The following ERLIN2 variants were observed in gnomAD, a reference collection of about 807,000 sequenced individuals.
The protein encoded by ERLIN2 is ER lipid raft associated 2.
ERLIN2 carries 22 observed loss-of-function variants against 41.5 expected under a neutral mutation model. That is an observed-to-expected ratio of 0.53 (90% CI 0.38 to 0.76). ERLIN2 has a LOEUF of 0.76. Ranked by LOEUF, ERLIN2 falls within the 30% of genes least tolerant of loss-of-function variation. The pLI is 0.00. For missense variants in ERLIN2, 247 were observed against 414.3 expected, an observed-to-expected ratio of 0.60 and a Z score of 3.51; for synonymous variants, 149 against 150.9, an observed-to-expected ratio of 0.99 and a Z score of 0.09.
rs1803336909 is a variant in ERLIN2 at position 37,755,568 on chromosome 8, C to CA, written c.*1454dup. 3.8e-5 allele frequency: 1 copy of CA among 26,044 alleles called. No individual in the cohort carries two copies. Among genetic ancestry groups the CA allele is most frequent in the South Asian group, 1.8e-3 (1 of 542 alleles). The allele number at this position is 26,044 out of a possible 1,614,324, so 1.6% of individuals were successfully genotyped here. A position where few individuals can be genotyped will look rare whatever the true frequency, so the allele number is the denominator to read the frequency against. On this transcript the variant is annotated 3_prime_UTR_variant, in exon 12 of 12. Coordinates refer to ENST00000519638, the MANE Select transcript of ERLIN2 (RefSeq NM_007175.8). ...GAGCTGACCCCCACCCCCCACCCCC[C>CA]ACCCCCCCCCCCCGCCAACTCCTAT...
intron 6 of ERLIN2, chr8:37,747,993 T>C (rs1302153045): frequency 1.2e-6 from 2 of 1,614,104 alleles, no homozygotes; most frequent in Admixed American, 3.3e-5. Flanking sequence ...ACCGAGACAC[T>C]ACTTTCGGCA....
chr8:37,748,680 A>AGAGAT (rs762058315), intron 6 of ERLIN2, among the ~76,000 whole-genome samples: 4 of 152,232 alleles, frequency 2.6e-5, no homozygotes, highest in Non-Finnish European at 5.9e-5. Flanking sequence ...ACAGCAAAGG[A>AGAGAT]GAGATGCAGT....
At chr8:37,737,686 G>A (rs752909788) in intron 1 of ERLIN2, 1 of 540,810 alleles carries the variant, frequency 1.8e-6, no homozygotes, top group Non-Finnish European at 3.3e-6. Flanking sequence ...CGGAGCCAGT[G>A]CTTCCTCAGT....
chr8:37,737,867 G>C, intron 1 of ERLIN2, 41 bp from the exon 2 acceptor site: 1 of 1,612,408 alleles, frequency 6.2e-7, no homozygotes, highest in South Asian at 1.1e-5. Context: ...CTTTTCTCCT[G>C]CACGTTGGAC....
Position 37,754,717 on chromosome 8 carries a change from A to G in ERLIN2, c.*602A>G, listed in dbSNP as rs1245673333. ...GGTGCTAGGTTTTGCAAGATTTTGT[A>G]TACACTTTGCTCCTTGCCCTAGGGC... On this transcript the variant is annotated 3_prime_UTR_variant, in exon 12 of 12. Coordinates refer to ENST00000519638, the MANE Select transcript of ERLIN2 (RefSeq NM_007175.8). 1 of 163,158 alleles carries G rather than the reference A, an allele frequency of 6.1e-6. No individual in the cohort carries two copies. The highest frequency in any genetic ancestry group is 2.4e-5 in the African/African-American group (1 of 41,532). 10.1% of individuals were successfully genotyped at this position (163,158 alleles called of 1,614,324 possible).
At chr8:37,738,607 C>T (rs1017096314) in intron 2 of ERLIN2, among the ~76,000 whole-genome samples, 7 of 152,080 alleles carry the variant, frequency 4.6e-5, no homozygotes, top group African/African-American at 1.7e-4. Flanking sequence ...TTTAATTGGC[C>T]GGCTGTGGTG....
chr8:37,751,590 A>G, intron 9 of ERLIN2, 36 bp from the exon 10 acceptor site: 1 of 1,559,548 alleles, frequency 6.4e-7, no homozygotes, highest in Non-Finnish European at 8.8e-7. Flanking sequence ...AAACTCTGAA[A>G]TGCCAGAACC....
intron 9 of ERLIN2, 48 bp from the exon 10 acceptor site, chr8:37,751,578 T>G (rs750172380): frequency 6.6e-7 from 1 of 1,524,188 alleles, no homozygotes; most frequent in Non-Finnish European, 9.1e-7. Flanking sequence ...GTGAAATTAG[T>G]CAAACTCTGA....
Position 37,757,214 on chromosome 8 carries a change from C to G in ERLIN2, c.*3099C>G, listed in dbSNP as rs1803379963. On this transcript the variant is annotated 3_prime_UTR_variant, in exon 12 of 12. Transcript: ENST00000519638. ...AAAGTAAGATGGTCATACTTACTGA[C>G]TTTATCTATTTAAGTTTGATGGAGA... The G allele has an allele frequency of 6.6e-6, 1 of 152,160 alleles. No individual in the cohort carries two copies. The highest frequency in any genetic ancestry group is 1.5e-5 in the Non-Finnish European group (1 of 68,034). The allele number at this position is 152,160 out of a possible 1,614,324, so 9.4% of individuals were successfully genotyped here.
chr8:37,750,070 G>T (rs1803183694), intron 8 of ERLIN2: 3 of 644,216 alleles, frequency 4.7e-6, no homozygotes, highest in Admixed American at 4.7e-5. Context: ...CTGTAGAGCA[G>T]CGATGTTTTG....
chr8:37,744,606 G>T lies in ERLIN2; in HGVS notation c.334G>T (p.Asp112Tyr). 6.2e-7 allele frequency: 1 copy of T among 1,614,074 alleles called. No homozygotes were observed. Among genetic ancestry groups the T allele is most frequent in the Non-Finnish European group, 8.5e-7 (1 of 1,179,994 alleles). The change falls in exon 6 of 12, where the codon GAC becomes TAC. Residue 112 changes from aspartate to tyrosine, a missense_variant. This residue lies in a region of ERLIN2 where 93 missense variants were observed against 139.0 expected (regional missense o/e 0.67). Coordinates refer to ENST00000519638, the MANE Select transcript of ERLIN2 (RefSeq NM_007175.8). ...DIVKNYTADY[D>Y]KALIFNKIHH... ...AGTGAAGAACTATACTGCTGACTAT[G>T]ACAAGGCCCTCATCTTCAACAAGAT...
intron 9 of ERLIN2, among the ~76,000 whole-genome samples, chr8:37,750,880 C>G (rs762679571): frequency 1.1e-4 from 16 of 152,212 alleles, no homozygotes; most frequent in Admixed American, 5.2e-4. Flanking sequence ...GCCGGCACGC[C>G]TGGCTAATTT....
chr8:37,751,778 G>A (rs1803223964), intron 10 of ERLIN2, 63 bp downstream of exon 10: 2 of 1,280,030 alleles, frequency 1.6e-6, no homozygotes, highest in African/African-American at 2.9e-5. Context: ...CCAGTGGGTT[G>A]GGGAGCCATT....
chr8:37,739,301 ACT>A (rs1802769800), intron 2 of ERLIN2, among the ~76,000 whole-genome samples: 1 of 152,130 alleles, frequency 6.6e-6, no homozygotes, highest in Admixed American at 6.5e-5. Context: ...TAGAAAGGTA[ACT>A]CTATTGCCAA....
Position 37,754,058 on chromosome 8 carries a change from C to G in ERLIN2, c.963C>G (p.Asp321Glu). Residue 321 changes from aspartate (D) to glutamate (E), a missense_variant, in exon 12 of 12, where the codon GAC becomes GAG. Asp to Glu is a conservative substitution (Grantham distance 45). Coordinates refer to ENST00000519638, the MANE Select transcript of ERLIN2 (RefSeq NM_007175.8). ...GCAAGCAGTTTGAGGGGCTAGCTGA[C>G]AAGCTAAGCTTTGGCTTAGAAGATG... ...SVSKQFEGLA[D>E]KLSFGLEDEP... 1 of 1,614,130 alleles carries G rather than the reference C, an allele frequency of 6.2e-7. No individual in the cohort carries two copies. Among genetic ancestry groups the G allele is most frequent in the Non-Finnish European group, 8.5e-7 (1 of 1,180,004 alleles).
rs141083192 is a variant in ERLIN2 at position 37,745,319 on chromosome 8, G to A, written c.424+623G>A. ...ATTATTATTTTTTTACTCTGTACCTGTAGCAACGAATAGAAAAACACTTTA... is the reference window on the plus strand; with the variant it reads ...ATTATTATTTTTTTACTCTGTACCTATAGCAACGAATAGAAAAACACTTTA... On this transcript the variant is annotated intron_variant, in intron 6 of 11. Transcript: ENST00000519638. The A allele has an allele frequency of 8.2e-5, 46 of 561,596 alleles. No individual in the cohort carries two copies. The East Asian group carries it at 8.2e-4, about 10-fold the overall frequency. 34.8% of individuals were successfully genotyped at this position (561,596 alleles called of 1,614,324 possible).
intron 6 of ERLIN2, chr8:37,746,057 A>C: frequency 1.0e-6 from 1 of 1,001,098 alleles, no homozygotes; most frequent in Non-Finnish European, 1.2e-6. Context: ...AGTGAAGTAC[A>C]GCTGCTTGTA....
chr8:37,753,804 C>A, intron 11 of ERLIN2, 111 bp from the exon 12 acceptor site: 1 of 937,070 alleles, frequency 1.1e-6, no homozygotes, highest in Non-Finnish European at 1.7e-6. Flanking sequence ...AACAATGAGA[C>A]CACAAAAAGT....
chr8:37,753,601 G>A, intron 11 of ERLIN2, 72 bp downstream of exon 11: 2 of 1,385,466 alleles, frequency 1.4e-6, no homozygotes. Context: ...AGTTTCCAGT[G>A]TTGAGCGCCT....
Sources: gnomAD v4.1 joint callset for allele counts (sites outside exome capture counted in the v4.1 genomes callset) on GRCh38, gnomAD v4.1.1 for gene constraint, gnomAD v4.1.1 regional missense constraint, MANE v1.5 for transcripts, NCBI Gene and HGNC (gene_info 2026-07-23, HGNC 2026-07-21) for gene names.